Variants in CCT6B observed in about 807,000 individuals in gnomAD.
CCT6B encodes the protein chaperonin containing TCP1 subunit 6B, also known as probable T-complex protein 1 subunit zeta-2.
CCT6B carries 49 observed loss-of-function variants against 61.5 expected under a neutral mutation model. The ratio of observed to expected loss-of-function variants is 0.80; its 90% CI spans 0.63 to 1.01. CCT6B has a LOEUF of 1.01. Ranked by LOEUF, CCT6B falls within the 50% of genes least tolerant of loss-of-function variation. The probability of loss-of-function intolerance (pLI) is 0.00; values close to 1 mark genes in which losing one functional copy is unlikely to be tolerated. For synonymous variants in CCT6B, 228 were observed against 214.5 expected (o/e 1.06, Z -0.55); for missense variants, 666 against 634.7 (o/e 1.05, Z -0.53).
At chr17:34,939,428 T>C (rs2090133968) in intron 9 of CCT6B, 98 bp from the exon 10 acceptor site, 3 of 1,092,086 alleles carry the variant, frequency 2.7e-6, no homozygotes, top group East Asian at 5.2e-5. Flanking sequence ...ATTTTTCTTA[T>C]CAAGCATAAC....
intron 11 of CCT6B, 106 bp from the exon 12 acceptor site, chr17:34,931,157 A>G (rs1028651338): frequency 1.1e-4 from 33 of 291,286 alleles, no homozygotes; most frequent in Non-Finnish European, 1.8e-4. Flanking sequence ...CATCCATAAC[A>G]TGGCAATCAT....
chr17:34,942,383 C>G, intron 7 of CCT6B, 101 bp downstream of exon 7: 2 of 840,446 alleles, frequency 2.4e-6, no homozygotes, highest in Non-Finnish European at 3.7e-6. Flanking sequence ...CTCACAGACT[C>G]TCTGAAAAAG....
chr17:34,935,919 A>G (rs2090088182), intron 10 of CCT6B, among the ~76,000 whole-genome samples: 1 of 151,068 alleles, frequency 6.6e-6, no homozygotes, highest in South Asian at 2.1e-4. Context: ...TTTGGCATTT[A>G]TTCTCGTGTG....
intron 3 of CCT6B, among the ~76,000 whole-genome samples, chr17:34,957,916 C>A (rs2090366390): frequency 6.6e-6 from 1 of 151,854 alleles, no homozygotes; most frequent in Non-Finnish European, 1.5e-5. Flanking sequence ...TAAGTAAAAC[C>A]TTCAATAATT....
chr17:34,959,752 C>T, intron 1 of CCT6B, 102 bp from the exon 2 acceptor site: 1 of 743,358 alleles, frequency 1.3e-6, no homozygotes, highest in Non-Finnish European at 2.4e-6. Flanking sequence ...CGGAAAACTT[C>T]CACTGTACCA....
At chr17:34,941,451 T>A (rs2090162556) in intron 7 of CCT6B, among the ~76,000 whole-genome samples, 1 of 152,238 alleles carries the variant, frequency 6.6e-6, no homozygotes, top group African/African-American at 2.4e-5. Context: ...ACTACTATTA[T>A]CAGGAAAGTC....
chr17:34,938,613 C>T lies in CCT6B; in HGVS notation c.1213+570G>A, dbSNP rs137933786. Among the ~76,000 whole-genome samples, 1,041 of 152,098 alleles carry T rather than the reference C, an allele frequency of 6.8e-3. 5 individuals are homozygous for T. The highest frequency in any genetic ancestry group is 7.5e-3 in the Non-Finnish European group (508 of 67,988). On this transcript the variant is annotated intron_variant, in intron 10 of 13. Coordinates refer to ENST00000314144, the MANE Select transcript of CCT6B (RefSeq NM_006584.4). ...AGGCGCAGTGGCTCATGCCAGTAAT[C>T]CTAGCACTTTGGGAGGCCAAGACAA...
chr17:34,942,466 C>A lies in CCT6B; in HGVS notation c.885+18G>T. 6.3e-7 allele frequency: 1 copy of A among 1,575,022 alleles called. No homozygotes were observed. The highest frequency in any genetic ancestry group is 2.0e-5 in the Admixed American group (1 of 49,370). On this transcript the variant is annotated intron_variant, in intron 7 of 13. Transcript: ENST00000314144. ...AAGAACATTTACAAATAACTAAAATCTAAACTTTCTTTCTCACCTTTTGAT... is the reference window on the plus strand; with the variant it reads ...AAGAACATTTACAAATAACTAAAATATAAACTTTCTTTCTCACCTTTTGAT...
At position 34,934,617 on chromosome 17, in the gene CCT6B, C is replaced by A. The variant is rs375995138; in HGVS notation, c.1214-2117G>T. On this transcript the variant is annotated intron_variant, in intron 10 of 13. Transcript: ENST00000314144. ...ACCACTAAAGCTCACTCAAAAAAAA[C>A]AAAACCTTTATAGCCCTACGTCTAT... Among the ~76,000 whole-genome samples, 202 of 152,134 alleles carry A rather than the reference C, an allele frequency of 1.3e-3. 1 individual carries two copies. The highest frequency in any genetic ancestry group is 4.6e-3 in the African/African-American group (192 of 41,534).
Position 34,939,172 on chromosome 17 carries a change from A to G in CCT6B, c.1213+11T>C. The G allele has an allele frequency of 1.9e-6, 3 of 1,611,930 alleles. No individual in the cohort carries two copies. Among genetic ancestry groups the G allele is most frequent in the Non-Finnish European group, 2.5e-6 (3 of 1,178,326 alleles). ...ACATGAGGTTCATATCAATCACAAG[A>G]AAGAGCTTACCATCTTCAATGGCAT... is the stretch of plus-strand genomic sequence containing the variant. On this transcript the variant is annotated intron_variant, in intron 10 of 13. Transcript: ENST00000314144.
intron 3 of CCT6B, among the ~76,000 whole-genome samples, chr17:34,956,771 C>G (rs1320023663): frequency 2.0e-5 from 3 of 152,038 alleles, no homozygotes; most frequent in East Asian, 1.9e-4. Flanking sequence ...AGTCTTTCTT[C>G]GCTCTCCTCT....
At chr17:34,931,605 T>C (rs968786244) in intron 11 of CCT6B, among the ~76,000 whole-genome samples, 16 of 152,128 alleles carry the variant, frequency 1.1e-4, no homozygotes, top group African/African-American at 3.9e-4. Flanking sequence ...ACCAATGTAA[T>C]GTGTACTGGG....
chr17:34,948,462 C>G (rs751468374), intron 5 of CCT6B, among the ~76,000 whole-genome samples: 1 of 152,100 alleles, frequency 6.6e-6, no homozygotes, highest in East Asian at 1.9e-4. Context: ...TGCCTGTAAT[C>G]CCAGCACTTT....
Position 34,928,548 on chromosome 17 carries a change from C to T in CCT6B, c.1523+414G>A, listed in dbSNP as rs369088867. Among the ~76,000 whole-genome samples the T allele has an allele frequency of 7.6e-4, 116 of 152,270 alleles. 1 individual carries two copies. The South Asian group carries it at 0.022, about 28-fold the overall frequency. On this transcript the variant is annotated intron_variant, in intron 13 of 13. Transcript: ENST00000314144. Reference sequence around the variant, plus strand: ...TCGGCCTCCCAAAGTGCTGGGATTACGGGTGTGAGCCACCGCACTGGCCCA... The same window carrying T: ...TCGGCCTCCCAAAGTGCTGGGATTATGGGTGTGAGCCACCGCACTGGCCCA...
chr17:34,940,760 A>G (rs1437248950), intron 7 of CCT6B, 139 bp from the exon 8 acceptor site: 4 of 387,146 alleles, frequency 1.0e-5, no homozygotes, highest in African/African-American at 8.3e-5. Context: ...TCTATCTATA[A>G]TATTTGTATT....
intron 7 of CCT6B, among the ~76,000 whole-genome samples, chr17:34,941,761 T>C (rs1411916119): frequency 1.3e-5 from 2 of 152,192 alleles, no homozygotes; most frequent in African/African-American, 4.8e-5. Flanking sequence ...TATTTTGGTA[T>C]GCAATAGAAG....
intron 5 of CCT6B, among the ~76,000 whole-genome samples, chr17:34,951,539 C>T (rs959097503): frequency 6.6e-6 from 1 of 152,188 alleles, no homozygotes; most frequent in African/African-American, 2.4e-5. Context: ...TTTTGCCTCA[C>T]CTCCTCTCCC....
At chr17:34,933,535 C>T (rs2090059806) in intron 10 of CCT6B, among the ~76,000 whole-genome samples, 1 of 152,152 alleles carries the variant, frequency 6.6e-6, no homozygotes, top group South Asian at 2.1e-4. Flanking sequence ...CATTACCTCC[C>T]ATTCACATTT....
At chr17:34,932,333 A>C (rs1338724820) in intron 11 of CCT6B, 34 bp downstream of exon 11, 2 of 1,578,102 alleles carry the variant, frequency 1.3e-6, no homozygotes, top group East Asian at 2.3e-5. Context: ...TTTATGTCTA[A>C]GCAGTTGTTA....
Sources: allele counts gnomAD v4.1 joint callset (sites outside exome capture counted in the v4.1 genomes callset), GRCh38; gene constraint gnomAD v4.1.1; transcripts MANE v1.5; gene names NCBI Gene and HGNC (gene_info 2026-07-23, HGNC 2026-07-21).